Variants in EML4 observed in about 807,000 individuals in gnomAD.
EML4 encodes the protein echinoderm microtubule-associated protein-like 4.
A neutral mutation model predicts 129.0 loss-of-function variants in EML4; 72 were observed. The observed-to-expected ratio is 0.56, with a 90% CI of 0.46 to 0.68. The LOEUF (loss-of-function observed/expected upper bound fraction) is 0.68, where lower values mean the gene tolerates loss of function less well. Among genes scored for constraint, EML4 ranks in the 30% least tolerant of loss-of-function variants. The probability of loss-of-function intolerance (pLI) is 0.00; values close to 1 mark genes in which losing one functional copy is unlikely to be tolerated. For missense variants in EML4, 1,363 were observed against 1,190.6 expected, an observed-to-expected ratio of 1.14 and a Z score of -2.13; for synonymous variants, 532 against 405.0, an observed-to-expected ratio of 1.31 and a Z score of -3.77.
chr2:42,177,751 A>C (rs986430920), intron 1 of EML4, among the ~76,000 whole-genome samples: 2 of 152,222 alleles, frequency 1.3e-5, no homozygotes, highest in African/African-American at 2.4e-5. Flanking sequence ...GGGTATTTTC[A>C]AGTACAAGTC....
chr2:42,191,076 G>A (rs150096567), intron 1 of EML4, among the ~76,000 whole-genome samples: 251 of 152,162 alleles, frequency 1.6e-3, no homozygotes, highest in African/African-American at 5.8e-3. Context: ...CTTTATATAT[G>A]TGCATACTTT....
rs1558614750 is a variant in EML4, at chr2:42,325,602, T to TAATATATA, written c.2242+48_2242+49insAATATATA. The stretch of plus-strand genomic sequence containing the variant: ...ATATATATATATGCTATGATTATAT[T>TAATATATA]TATATATATATATATATATATATAT... On this transcript the variant is annotated intron_variant, in intron 20 of 22. Coordinates refer to ENST00000318522, the MANE Select transcript of EML4 (RefSeq NM_019063.5). 3.0e-4 allele frequency: 39 copies of TAATATATA among 129,316 alleles called. 3 individuals are homozygous for TAATATATA. Among genetic ancestry groups the TAATATATA allele is most frequent in the Non-Finnish European group, 5.0e-4 (31 of 62,016 alleles). The allele number at this position is 129,316 out of a possible 1,614,324, so 8.0% of individuals were successfully genotyped here. A position where few individuals can be genotyped will look rare whatever the true frequency, so the allele number is the denominator to read the frequency against.
At chr2:42,182,852 G>A (rs550726293) in intron 1 of EML4, among the ~76,000 whole-genome samples, 2 of 152,110 alleles carry the variant, frequency 1.3e-5, no homozygotes, top group Admixed American at 1.3e-4. Flanking sequence ...TAGCTTGTAG[G>A]TTGCCATCTT....
At chr2:42,262,037 A>C (rs1047332759) in intron 4 of EML4, among the ~76,000 whole-genome samples, 8 of 152,132 alleles carry the variant, frequency 5.3e-5, no homozygotes, top group Middle Eastern at 6.8e-3. Context: ...ATGCTTATTC[A>C]AGCCTTGTGA....
At chr2:42,300,637 C>T (rs1668231666) in intron 13 of EML4, among the ~76,000 whole-genome samples, 2 of 152,218 alleles carry the variant, frequency 1.3e-5, no homozygotes, top group Admixed American at 6.5e-5. Flanking sequence ...GTAGTGCCCC[C>T]ATATCTCAGC....
chr2:42,245,616 C>G lies in EML4; in HGVS notation c.137C>G (p.Ala46Gly), dbSNP rs759811335. 6.2e-7 allele frequency: 1 copy of G among 1,613,726 alleles called. No individual in the cohort carries two copies. The highest frequency in any genetic ancestry group is 8.5e-7 in the Non-Finnish European group (1 of 1,179,800). ...DEITVLKAAL[A>G]DVLRRLAISE... ...ATCACTGTGCTAAAGGCGGCTTTGG[C>G]TGATGTTTTGAGGCGTCTTGCAATC... Residue 46 changes from alanine (A) to glycine (G), a missense_variant, in exon 2 of 23, where the codon GCT (alanine) becomes GGT (glycine). By Grantham distance (60) the Ala-to-Gly change is moderately conservative (BLOSUM62 0). Transcript: ENST00000318522.
intron 1 of EML4, among the ~76,000 whole-genome samples, chr2:42,235,365 C>G (rs1000617927): frequency 8.4e-6 from 1 of 119,114 alleles, no homozygotes; most frequent in Non-Finnish European, 1.8e-5. Flanking sequence ...GAGGCTAAGG[C>G]GCGAGAATTA....
intron 1 of EML4, among the ~76,000 whole-genome samples, chr2:42,184,086 GT>G (rs1453629122): frequency 1.3e-5 from 2 of 152,128 alleles, no homozygotes; most frequent in African/African-American, 4.8e-5. Flanking sequence ...GGTGTTAAAT[GT>G]TTTTTGAATG....
chr2:42,263,328 T>A, intron 5 of EML4, 22 bp downstream of exon 5: 1 of 1,597,342 alleles, frequency 6.3e-7, no homozygotes, highest in Non-Finnish European at 8.5e-7. Context: ...ACTTTCTTCA[T>A]TATATCTGAA....
Position 42,215,983 on chromosome 2 carries a change from C to T in EML4, c.26-29522C>T, listed in dbSNP as rs946812460. Among the ~76,000 whole-genome samples, 7 of 151,666 alleles carry T rather than the reference C, an allele frequency of 4.6e-5. No homozygotes were observed. In the East Asian group the frequency reaches 5.8e-4, roughly 13 times the overall value. ...TCACCCAGGGTAGAGTGCAGAGGCACGATCTCAGCTCACTGCAACCTCCAC... is the reference window on the plus strand; with the variant it reads ...TCACCCAGGGTAGAGTGCAGAGGCATGATCTCAGCTCACTGCAACCTCCAC... On this transcript the variant is annotated intron_variant, in intron 1 of 22. Coordinates refer to ENST00000318522, the MANE Select transcript of EML4 (RefSeq NM_019063.5).
At chr2:42,189,161 C>T (rs924284084) in intron 1 of EML4, among the ~76,000 whole-genome samples, 5 of 152,100 alleles carry the variant, frequency 3.3e-5, no homozygotes, top group African/African-American at 9.7e-5. Flanking sequence ...GCCACCATGA[C>T]GAACCACGAG....
chr2:42,327,420 G>T (rs1398895910), intron 21 of EML4, among the ~76,000 whole-genome samples: 2 of 152,210 alleles, frequency 1.3e-5, no homozygotes, highest in African/African-American at 4.8e-5. Flanking sequence ...GCAACTGCCA[G>T]ACTGTTTTCC....
chr2:42,244,813 GATA>G (rs1558534976), intron 1 of EML4, among the ~76,000 whole-genome samples: 3 of 152,162 alleles, frequency 2.0e-5, no homozygotes, highest in African/African-American at 7.2e-5. Context: ...AGAGAACTGT[GATA>G]ATAATGTAAT....
chr2:42,325,343 C>G (rs2103826670), intron 19 of EML4, 124 bp from the exon 20 acceptor site: 1 of 609,752 alleles, frequency 1.6e-6, no homozygotes, highest in Non-Finnish European at 3.2e-6. Context: ...GAGGGTGTGA[C>G]ACTGCTTCCT....
intron 1 of EML4, among the ~76,000 whole-genome samples, chr2:42,215,923 T>C (rs1482118090): frequency 2.0e-5 from 3 of 152,058 alleles, no homozygotes; most frequent in Non-Finnish European, 4.4e-5. Flanking sequence ...TTTATCTTTT[T>C]TTTTTCTTTT....
intron 1 of EML4, among the ~76,000 whole-genome samples, chr2:42,216,734 C>T (rs1303615302): frequency 6.6e-6 from 1 of 152,184 alleles, no homozygotes; most frequent in East Asian, 1.9e-4. Flanking sequence ...TGCTATTTCA[C>T]TGAATGGCTG....
chr2:42,263,067 TG>T, intron 4 of EML4, 110 bp from the exon 5 acceptor site: 1 of 871,898 alleles, frequency 1.1e-6, no homozygotes, highest in African/African-American at 1.7e-5. Flanking sequence ...TTCTCTTTTC[TG>T]GATTAGCTTT....
At chr2:42,237,834 CATGAGTTGA>C (rs1348512531) in intron 1 of EML4, among the ~76,000 whole-genome samples, 1 of 152,176 alleles carries the variant, frequency 6.6e-6, no homozygotes, top group African/African-American at 2.4e-5. Flanking sequence ...AACTACTCAA[CATGAGTTGA>C]GTAGGTTGAG....
In EML4 at chr2:42,284,704, G is replaced by A. The variant is rs1254130542; in HGVS notation, c.1011+1G>A. The A allele has an allele frequency of 6.2e-7, 1 of 1,611,548 alleles. No individual in the cohort carries two copies. The highest frequency in any genetic ancestry group is 8.5e-7 in the Non-Finnish European group (1 of 1,178,468). ...AGCTGGCGTGGATAAAGATGGAAGGGTGAGTGGCATAGTGTTATGCCTTCT... is the reference window on the plus strand; with the variant it reads ...AGCTGGCGTGGATAAAGATGGAAGGATGAGTGGCATAGTGTTATGCCTTCT... On this transcript the variant is annotated splice_donor_variant, in intron 9 of 22. Coordinates refer to ENST00000318522, the MANE Select transcript of EML4 (RefSeq NM_019063.5). LOFTEE classifies it high-confidence loss of function.
Sources: gnomAD v4.1 joint callset for allele counts (sites outside exome capture counted in the v4.1 genomes callset) on GRCh38, gnomAD v4.1.1 for gene constraint, MANE v1.5 for transcripts, NCBI Gene and HGNC (gene_info 2026-07-23, HGNC 2026-07-21) for gene names.